Variants in USP54 observed in about 807,000 individuals in gnomAD.
USP54 encodes ubiquitin carboxyl-terminal hydrolase 54.
A neutral mutation model predicts 170.5 loss-of-function variants in USP54; 87 were observed. The ratio of observed to expected loss-of-function variants is 0.51; its 90% CI spans 0.43 to 0.61. The LOEUF is 0.61. USP54 is among the 20% of genes least tolerant of loss of function. The pLI, the probability that USP54 is intolerant of heterozygous loss-of-function variation, is 0.00. For missense variants in USP54, 1,786 were observed against 2,047.8 expected (o/e 0.87, Z 2.47); for synonymous variants, 655 against 742.8 (o/e 0.88, Z 1.92).
Position 73,530,439 on chromosome 10 carries a change from G to A in USP54, c.1532C>T (p.Thr511Ile), listed in dbSNP as rs756370869. ...STNRLRDFKE[T>I]VSNMIHNRPS... is the part of the protein sequence containing the mutation. ...TCTGTTATGGATCATATTGCTGACT[G>A]TCTCTTTAAAATCTCTCAGCCTGTT... Residue 511 changes from threonine (T) to isoleucine (I), a missense_variant, in exon 14 of 24, where the codon ACA becomes ATA. Thr to Ile is a moderately conservative substitution (Grantham distance 89). Transcript: ENST00000687698. 1.2e-6 allele frequency: 2 copies of A among 1,614,192 alleles called. No individual in the cohort carries two copies. The highest frequency in any genetic ancestry group is 4.5e-5 in the East Asian group (2 of 44,886).
chr10:73,544,836 C>T (rs2067401029), intron 5 of USP54, among the ~76,000 whole-genome samples: 1 of 152,114 alleles, frequency 6.6e-6, no homozygotes, highest in African/African-American at 2.4e-5. Flanking sequence ...GCCTCAGCCT[C>T]CCAAGTAGCT....
At chr10:73,503,935 C>T (rs1185307454) in intron 22 of USP54, among the ~76,000 whole-genome samples, 1 of 152,100 alleles carries the variant, frequency 6.6e-6, no homozygotes, top group Non-Finnish European at 1.5e-5. Flanking sequence ...AGGCTGGTCT[C>T]GAACTCCTGA....
chr10:73,579,563 T>C (rs942611359), intron 1 of USP54, among the ~76,000 whole-genome samples: 8 of 152,006 alleles, frequency 5.3e-5, no homozygotes, highest in Non-Finnish European at 1.0e-4. Flanking sequence ...AAAACCAACC[T>C]GGCCAACATG....
At chr10:73,565,751 G>C (rs570814674) in intron 4 of USP54, among the ~76,000 whole-genome samples, 4 of 152,210 alleles carry the variant, frequency 2.6e-5, no homozygotes, top group Middle Eastern at 6.8e-3. Context: ...AGCAATTCCA[G>C]TCCTGGGCAT....
intron 22 of USP54, among the ~76,000 whole-genome samples, chr10:73,501,327 G>A (rs778815173): frequency 6.6e-6 from 1 of 152,032 alleles, no homozygotes. Context: ...TTCCTCTTTT[G>A]CCTGTCAAGT....
intron 17 of USP54, among the ~76,000 whole-genome samples, chr10:73,523,381 T>C (rs1203553764): frequency 6.6e-6 from 1 of 152,256 alleles, no homozygotes; most frequent in Admixed American, 6.5e-5. Flanking sequence ...AGGCTTTTAA[T>C]AGATGTGCCC....
In USP54 at chr10:73,547,454, G is replaced by A. The variant is rs138822358; in HGVS notation, c.241-1782C>T. ...ATCCTAAGCAAAAAGAACAAAGCTG[G>A]AGGCATCACGCTATCTGACTTCAAA... On this transcript the variant is annotated intron_variant, in intron 4 of 23. Coordinates refer to ENST00000687698, the MANE Select transcript of USP54 (RefSeq NM_001391956.1). Among the ~76,000 whole-genome samples the A allele has an allele frequency of 4.8e-3, 734 of 152,228 alleles. 3 individuals are homozygous for A. The highest frequency in any genetic ancestry group is 0.017 in the African/African-American group (699 of 41,550).
chr10:73,500,408 C>G (rs940450695), intron 23 of USP54, among the ~76,000 whole-genome samples: 7 of 152,206 alleles, frequency 4.6e-5, no homozygotes, highest in Non-Finnish European at 8.8e-5. Context: ...ATGACTGAAG[C>G]AGGTCATTTT....
At chr10:73,501,162 A>G (rs1483427974) in intron 22 of USP54, among the ~76,000 whole-genome samples, 1 of 152,222 alleles carries the variant, frequency 6.6e-6, no homozygotes, top group African/African-American at 2.4e-5. Flanking sequence ...TTTAAAAATA[A>G]AAACGAAATA....
intron 11 of USP54, among the ~76,000 whole-genome samples, chr10:73,535,122 C>T (rs995629569): frequency 6.6e-6 from 1 of 152,190 alleles, no homozygotes; most frequent in Non-Finnish European, 1.5e-5. Context: ...GACAACCTGT[C>T]ATACATAGTC....
chr10:73,570,537 T>C (rs1032084678), intron 4 of USP54, among the ~76,000 whole-genome samples: 1 of 150,908 alleles, frequency 6.6e-6, no homozygotes, highest in Admixed American at 6.6e-5. Context: ...GGCATTACTC[T>C]CTTTTCCTTT....
intron 1 of USP54, among the ~76,000 whole-genome samples, chr10:73,616,982 G>T (rs2080692764): frequency 6.6e-6 from 1 of 150,692 alleles, no homozygotes; most frequent in Non-Finnish European, 1.5e-5. Context: ...TCCACTGAAA[G>T]AAATACAGCC....
In USP54 at chr10:73,530,182, A is replaced by G; in HGVS notation, c.1789T>C (p.Cys597Arg). 1.2e-6 allele frequency: 2 copies of G among 1,613,910 alleles called. No individual in the cohort carries two copies. Among genetic ancestry groups the G allele is most frequent in the Non-Finnish European group, 1.7e-6 (2 of 1,180,024 alleles). ...SIFSKDKRKH[C>R]GYTQLSPFSE... The stretch of plus-strand genomic sequence containing the variant: ...AAGGGGCTAAGCTGGGTATAGCCAC[A>G]GTGCTTCCTTTTGTCCTTACTAAAG... The change falls in exon 14 of 24, where the codon TGT (cysteine) becomes CGT (arginine). Residue 597 changes from cysteine (C) to arginine (R), a missense_variant. Cys to Arg is a radical substitution (Grantham distance 180). This residue lies in a region of USP54 where 1,418 missense variants were observed against 1,569.0 expected (regional missense o/e 0.90). Coordinates refer to ENST00000687698, the MANE Select transcript of USP54 (RefSeq NM_001391956.1).
chr10:73,541,319 A>G, intron 9 of USP54, 56 bp downstream of exon 9: 1 of 1,607,714 alleles, frequency 6.2e-7, no homozygotes, highest in South Asian at 1.1e-5. Context: ...CACTGCTCCT[A>G]AGCAATACTA....
intron 20 of USP54, among the ~76,000 whole-genome samples, chr10:73,511,759 T>C (rs999639516): frequency 6.6e-6 from 1 of 151,864 alleles, no homozygotes; most frequent in African/African-American, 2.4e-5. Flanking sequence ...CTTTTTTTTT[T>C]TTGAGACAGT....
At chr10:73,605,348 G>A (rs1171506941) in intron 1 of USP54, among the ~76,000 whole-genome samples, 2 of 152,114 alleles carry the variant, frequency 1.3e-5, no homozygotes, top group African/African-American at 4.8e-5. Flanking sequence ...ACAGGTGTGA[G>A]CCACTGCACC....
intron 1 of USP54, among the ~76,000 whole-genome samples, chr10:73,606,808 G>T (rs189395276): frequency 0.024 from 3,707 of 151,444 alleles, 65 homozygotes; most frequent in Non-Finnish European, 0.034. Flanking sequence ...GAACCTGGGA[G>T]GTGGAGGTTG....
At chr10:73,538,204 CAAA>C (rs78033068) in intron 10 of USP54, 2 of 138,160 alleles carry the variant, frequency 1.4e-5, no homozygotes, top group Non-Finnish European at 1.6e-5. Context: ...GACCCTATGT[CAAA>C]AAAAAAAAAA....
In USP54 at chr10:73,576,003, C is replaced by T. The variant is rs2076066005; in HGVS notation, c.-223G>A. 6.1e-6 allele frequency: 1 copy of T among 164,280 alleles called. No homozygotes were observed. Among genetic ancestry groups the T allele is most frequent in the Non-Finnish European group, 1.3e-5 (1 of 76,274 alleles). 10.2% of individuals were successfully genotyped at this position (164,280 alleles called of 1,614,324 possible). ...CTGGTGAAGTGGATGTAATTCTCAACTCCAACAGCATCCAGGATCAGGGTA... is the reference window on the plus strand; with the variant it reads ...CTGGTGAAGTGGATGTAATTCTCAATTCCAACAGCATCCAGGATCAGGGTA... On this transcript the variant is annotated 5_prime_UTR_variant, in exon 2 of 24. Transcript: ENST00000687698.
Sources: gnomAD v4.1 joint callset for allele counts (sites outside exome capture counted in the v4.1 genomes callset) on GRCh38, gnomAD v4.1.1 for gene constraint, gnomAD v4.1.1 regional missense constraint, MANE v1.5 for transcripts, NCBI Gene and HGNC (gene_info 2026-07-23, HGNC 2026-07-21) for gene names.